AKAP19: variants seen among roughly 807,000 people sequenced by gnomAD.
AKAP19 encodes the protein small A-kinase anchoring protein.
chr2:190,036,273 C>T, the AKAP19 span, among the ~76,000 whole-genome samples: 6 of 152,124 alleles, frequency 3.9e-5, no homozygotes, highest in African/African-American at 9.7e-5. Context: ...GCCAACTATA[C>T]GCTCCCCCAA....
the AKAP19 span, among the ~76,000 whole-genome samples, chr2:189,883,835 G>A: frequency 6.6e-6 from 1 of 152,058 alleles, no homozygotes; most frequent in African/African-American, 2.4e-5. Context: ...AACAAAATAA[G>A]AGCAATATAA....
At chr2:190,199,903 A>C in the AKAP19 span, 5 of 1,614,044 alleles carry the variant, frequency 3.1e-6, no homozygotes, top group South Asian at 4.4e-5. Context: ...ATTTCCTACC[A>C]TATATGAAGG....
the AKAP19 span, among the ~76,000 whole-genome samples, chr2:189,991,589 G>T: frequency 6.6e-5 from 10 of 152,170 alleles, no homozygotes; most frequent in East Asian, 1.7e-3. Context: ...TATAGATTCT[G>T]GTTATTAGTC....
chr2:190,099,010 A>G, the AKAP19 span, among the ~76,000 whole-genome samples: 1 of 152,210 alleles, frequency 6.6e-6, no homozygotes, highest in Non-Finnish European at 1.5e-5. Flanking sequence ...ATTAGGCTTC[A>G]GCTTAAAGGA....
the AKAP19 span, among the ~76,000 whole-genome samples, chr2:189,883,576 A>G: frequency 7.3e-6 from 1 of 136,812 alleles, no homozygotes; most frequent in Non-Finnish European, 1.5e-5. Flanking sequence ...TATGTCTACT[A>G]TTAAACATAT....
At chr2:190,170,667 T>C in the AKAP19 span, among the ~76,000 whole-genome samples, 1 of 152,200 alleles carries the variant, frequency 6.6e-6, no homozygotes, top group Non-Finnish European at 1.5e-5. Context: ...AGATAACTGA[T>C]ATTAACCGTA....
the AKAP19 span, among the ~76,000 whole-genome samples, chr2:189,889,512 C>A: frequency 3.3e-5 from 5 of 152,166 alleles, no homozygotes; most frequent in African/African-American, 9.7e-5. Context: ...GGTACCCTCT[C>A]CTCTTTGTAC....
chr2:189,893,470 AGGGAGT>A, the AKAP19 span, among the ~76,000 whole-genome samples: 1 of 152,158 alleles, frequency 6.6e-6, no homozygotes, highest in African/African-American at 2.4e-5. Context: ...TGGCTAGGAG[AGGGAGT>A]CCCCTGACCC....
chr2:189,936,576 G>T, the AKAP19 span, among the ~76,000 whole-genome samples: 24 of 152,204 alleles, frequency 1.6e-4, 1 homozygote, highest in Non-Finnish European at 1.3e-4. Flanking sequence ...AGGACAAGAA[G>T]CAAAATCAAG....
the AKAP19 span, among the ~76,000 whole-genome samples, chr2:190,027,430 G>A: frequency 6.6e-6 from 1 of 152,102 alleles, no homozygotes; most frequent in Non-Finnish European, 1.5e-5. Flanking sequence ...TAGACTTTTG[G>A]TTTCCATTTA....
chr2:190,071,902 A>G, the AKAP19 span, among the ~76,000 whole-genome samples: 887 of 152,282 alleles, frequency 5.8e-3, 5 homozygotes, highest in Middle Eastern at 0.014. Context: ...TGAATTTAAG[A>G]CAGAAAGTAA....
At chr2:190,115,476 C>G in the AKAP19 span, among the ~76,000 whole-genome samples, 1 of 141,046 alleles carries the variant, frequency 7.1e-6, no homozygotes, top group Non-Finnish European at 1.5e-5. Flanking sequence ...CCCGCCACTA[C>G]GCCCGGCTAA....
At chr2:189,969,284 T>C in the AKAP19 span, among the ~76,000 whole-genome samples, 7 of 152,148 alleles carry the variant, frequency 4.6e-5, no homozygotes, top group Non-Finnish European at 7.3e-5. Context: ...CATGAGTTTA[T>C]AGTGAGATGA....
At chr2:190,131,934 A>G in the AKAP19 span, among the ~76,000 whole-genome samples, 2 of 152,052 alleles carry the variant, frequency 1.3e-5, no homozygotes, top group South Asian at 2.1e-4. Context: ...AACCTTAAAG[A>G]CTCCACCAAA....
the AKAP19 span, among the ~76,000 whole-genome samples, chr2:190,162,605 C>A: frequency 3.3e-5 from 5 of 152,232 alleles, no homozygotes; most frequent in Admixed American, 2.6e-4. Context: ...CTTTTGGGTT[C>A]TCCATCAGTA....
the AKAP19 span, among the ~76,000 whole-genome samples, chr2:190,173,888 C>A: frequency 1.3e-5 from 2 of 152,288 alleles, no homozygotes; most frequent in Admixed American, 6.5e-5. Flanking sequence ...ATCTTAAAGT[C>A]TGACTTTCTT....
At chr2:189,994,757 C>A in the AKAP19 span, among the ~76,000 whole-genome samples, 1 of 151,950 alleles carries the variant, frequency 6.6e-6, no homozygotes, top group Non-Finnish European at 1.5e-5. Flanking sequence ...TGCCACCACA[C>A]CCAGCTAATT....
the AKAP19 span, among the ~76,000 whole-genome samples, chr2:190,129,753 T>C: frequency 3.9e-5 from 6 of 152,128 alleles, no homozygotes; most frequent in Non-Finnish European, 7.4e-5. Context: ...GAAGATCCTA[T>C]AGCTAGCAGG....
chr2:190,162,953 T>C, the AKAP19 span, among the ~76,000 whole-genome samples: 1 of 152,210 alleles, frequency 6.6e-6, no homozygotes, highest in Non-Finnish European at 1.5e-5. Context: ...AGTTCTTATA[T>C]AAGCAAATAC....
Sources: gnomAD v4.1 joint callset for allele counts (sites outside exome capture counted in the v4.1 genomes callset) on GRCh38, gnomAD v4.1.1 for gene constraint, MANE v1.5 for transcripts, NCBI Gene and HGNC (gene_info 2026-07-23, HGNC 2026-07-21) for gene names.